Variants in PTPRT observed in about 807,000 individuals in gnomAD.
PTPRT encodes receptor-type tyrosine-protein phosphatase T.
Under a neutral mutation model 176.8 loss-of-function variants are expected in PTPRT, and 56 were observed. That is an observed-to-expected ratio of 0.32 (90% CI 0.26 to 0.40). The LOEUF (loss-of-function observed/expected upper bound fraction) is 0.40. Among genes scored for constraint, PTPRT ranks in the 10% least tolerant of loss-of-function variants. The probability of loss-of-function intolerance (pLI) is 1.00; values close to 1 mark genes in which losing one functional copy is unlikely to be tolerated. For synonymous variants in PTPRT, 783 were observed against 739.0 expected (o/e 1.06, Z -0.96); for missense variants, 1,540 against 1,908.2 (o/e 0.81, Z 3.60).
intron 7 of PTPRT, among the ~76,000 whole-genome samples, chr20:42,568,393 CA>C (rs1451592484): frequency 6.6e-6 from 1 of 152,130 alleles, no homozygotes; most frequent in Non-Finnish European, 1.5e-5. Flanking sequence ...CTCCACTTTA[CA>C]GGTGAGAAAA....
intron 7 of PTPRT, among the ~76,000 whole-genome samples, chr20:42,633,961 T>G (rs28479885): frequency 6.6e-4 from 12 of 18,162 alleles, no homozygotes; most frequent in African/African-American, 4.8e-3. Context: ...TAATTATATA[T>G]AATATATTAT....
intron 12 of PTPRT, among the ~76,000 whole-genome samples, chr20:42,300,054 T>C (rs2057440167): frequency 6.6e-6 from 1 of 150,982 alleles, no homozygotes; most frequent in Non-Finnish European, 1.5e-5. Flanking sequence ...GGTCAGGTGT[T>C]TGAGACCAGC....
At chr20:42,823,115 T>C (rs993473715) in intron 2 of PTPRT, among the ~76,000 whole-genome samples, 2 of 152,096 alleles carry the variant, frequency 1.3e-5, no homozygotes, top group African/African-American at 4.8e-5. Flanking sequence ...CTATTTACAA[T>C]AGCAAAGACA....
intron 7 of PTPRT, among the ~76,000 whole-genome samples, chr20:42,481,176 T>C (rs2071378167): frequency 1.3e-5 from 2 of 152,188 alleles, no homozygotes; most frequent in Non-Finnish European, 2.9e-5. Context: ...TGGCTGAGTT[T>C]CAATAAATGT....
intron 16 of PTPRT, among the ~76,000 whole-genome samples, chr20:42,181,971 A>G (rs901434877): frequency 6.6e-6 from 1 of 152,236 alleles, no homozygotes; most frequent in Admixed American, 6.5e-5. Context: ...ACATTTAATC[A>G]TAGACCTGAA....
At chr20:42,644,691 C>A (rs910450001) in intron 7 of PTPRT, among the ~76,000 whole-genome samples, 1 of 152,072 alleles carries the variant, frequency 6.6e-6, no homozygotes, top group African/African-American at 2.4e-5. Context: ...CAGAGCCTGG[C>A]CCCAGGAGCA....
At chr20:42,195,543 A>C (rs1196089859) in intron 16 of PTPRT, among the ~76,000 whole-genome samples, 1 of 152,110 alleles carries the variant, frequency 6.6e-6, no homozygotes, top group Non-Finnish European at 1.5e-5. Context: ...GATGCATTCT[A>C]GGGCAGTCAA....
intron 1 of PTPRT, among the ~76,000 whole-genome samples, chr20:42,997,318 G>A (rs1984278577): frequency 6.6e-6 from 1 of 152,102 alleles, no homozygotes; most frequent in African/African-American, 2.4e-5. Flanking sequence ...TATAACTTCT[G>A]AGGGTACATT....
At chr20:42,510,451 G>A (rs2071934186) in intron 7 of PTPRT, among the ~76,000 whole-genome samples, 1 of 151,908 alleles carries the variant, frequency 6.6e-6, no homozygotes, top group Non-Finnish European at 1.5e-5. Flanking sequence ...GCTATAACGT[G>A]TGTGTTTTTT....
intron 17 of PTPRT, among the ~76,000 whole-genome samples, chr20:42,142,512 T>C (rs1263587675): frequency 1.3e-5 from 2 of 152,230 alleles, no homozygotes; most frequent in Admixed American, 6.5e-5. Context: ...GATTATACAC[T>C]CTGGGAGGGC....
Position 42,080,875 on chromosome 20 carries a change from T to C in PTPRT, c.*4A>G. On this transcript the variant is annotated 3_prime_UTR_variant, in exon 31 of 31. Coordinates refer to ENST00000373187, the MANE Select transcript of PTPRT (RefSeq NM_007050.6). ...GACTCCGGCAGGTTCCCCATCCCAT[T>C]GAGCTAAAAGGAGCTTAAATATTCC... 1 of 1,609,088 alleles carries C rather than the reference T, an allele frequency of 6.2e-7. No individual in the cohort carries two copies. The highest frequency in any genetic ancestry group is 8.5e-7 in the Non-Finnish European group (1 of 1,176,050).
chr20:42,529,924 A>G (rs763200802), intron 7 of PTPRT, among the ~76,000 whole-genome samples: 13 of 151,496 alleles, frequency 8.6e-5, no homozygotes, highest in Admixed American at 6.6e-5. Context: ...TTATTGAAAC[A>G]TTACTACCTG....
At chr20:42,650,788 T>C (rs1228849565) in intron 7 of PTPRT, among the ~76,000 whole-genome samples, 2 of 152,136 alleles carry the variant, frequency 1.3e-5, no homozygotes, top group Non-Finnish European at 2.9e-5. Flanking sequence ...TTTTAAGTTC[T>C]CAGGAAAACA....
At chr20:42,920,158 G>C (rs1416427747) in intron 1 of PTPRT, among the ~76,000 whole-genome samples, 1 of 152,124 alleles carries the variant, frequency 6.6e-6, no homozygotes, top group Admixed American at 6.5e-5. Flanking sequence ...TCAGAGACAA[G>C]AACAAAAAAT....
intron 15 of PTPRT, among the ~76,000 whole-genome samples, chr20:42,209,233 A>C (rs1368297953): frequency 6.6e-6 from 1 of 152,218 alleles, no homozygotes; most frequent in African/African-American, 2.4e-5. Context: ...CACAATTAAA[A>C]GAACTAGAAA....
At chr20:42,905,772 A>ATG (rs2079468360) in intron 1 of PTPRT, among the ~76,000 whole-genome samples, 1 of 152,234 alleles carries the variant, frequency 6.6e-6, no homozygotes, top group Admixed American at 6.5e-5. Flanking sequence ...TTGTAGGGTC[A>ATG]TGGATGAAGC....
At chr20:42,427,794 G>C (rs1383976028) in intron 9 of PTPRT, among the ~76,000 whole-genome samples, 1 of 152,088 alleles carries the variant, frequency 6.6e-6, no homozygotes, top group Non-Finnish European at 1.5e-5. Flanking sequence ...CCACCATTGT[G>C]ATTTGTTCCT....
At chr20:42,276,457 C>T (rs1408700147) in intron 13 of PTPRT, among the ~76,000 whole-genome samples, 1 of 120,288 alleles carries the variant, frequency 8.3e-6, no homozygotes, top group South Asian at 3.0e-4. Context: ...GTCTCCAAGT[C>T]CCACATTAAA....
intron 9 of PTPRT, among the ~76,000 whole-genome samples, chr20:42,387,875 C>T (rs2058759818): frequency 6.6e-6 from 1 of 151,822 alleles, no homozygotes; most frequent in Non-Finnish European, 1.5e-5. Context: ...CACTGAAACC[C>T]CTACCTCCTG....
Sources: allele counts gnomAD v4.1 joint callset (sites outside exome capture counted in the v4.1 genomes callset), GRCh38; gene constraint gnomAD v4.1.1; transcripts MANE v1.5; gene names NCBI Gene and HGNC (gene_info 2026-07-23, HGNC 2026-07-21).